Variants in FAR2 observed in about 807,000 individuals in gnomAD.
FAR2 encodes the protein epididymis secretory protein Li 81.
In FAR2, 19 loss-of-function variants were observed where a neutral mutation model predicts 56.0. That is an observed-to-expected ratio of 0.34 (90% CI 0.24 to 0.50). The LOEUF (loss-of-function observed/expected upper bound fraction) is 0.50, where lower values mean the gene tolerates loss of function less well. Ranked by LOEUF, FAR2 falls within the 20% of genes least tolerant of loss-of-function variation. The pLI is 0.98. For synonymous variants in FAR2, 219 were observed against 218.8 expected, an observed-to-expected ratio of 1.00 and a Z score of -0.01; for missense variants, 508 against 642.2, an observed-to-expected ratio of 0.79 and a Z score of 2.26.
chr12:29,149,828 A>C (rs80315626), intron 1 of FAR2, among the ~76,000 whole-genome samples: 1 of 151,982 alleles, frequency 6.6e-6, no homozygotes, highest in South Asian at 2.1e-4. Flanking sequence ...TCCTGGAGAG[A>C]GCGCGAAAAT....
chr12:29,274,023 C>A (rs1287274452), intron 2 of FAR2, among the ~76,000 whole-genome samples: 1 of 151,952 alleles, frequency 6.6e-6, no homozygotes, highest in Non-Finnish European at 1.5e-5. Flanking sequence ...GCGAAGGATT[C>A]ACACGGTTAT....
chr12:29,307,425 C>T (rs1479912998), intron 4 of FAR2, among the ~76,000 whole-genome samples: 3 of 151,908 alleles, frequency 2.0e-5, no homozygotes, highest in Non-Finnish European at 4.4e-5. Flanking sequence ...ACCTACCTAC[C>T]TACCTATCTG....
chr12:29,152,398 G>T (rs1158191152), intron 1 of FAR2, among the ~76,000 whole-genome samples: 1 of 152,156 alleles, frequency 6.6e-6, no homozygotes, highest in African/African-American at 2.4e-5. Context: ...TCTTAAAGAG[G>T]AACTGAGAAA....
intron 1 of FAR2, among the ~76,000 whole-genome samples, chr12:29,233,920 C>A (rs1812680421): frequency 6.6e-6 from 1 of 152,170 alleles, no homozygotes; most frequent in Non-Finnish European, 1.5e-5. Flanking sequence ...TGAAGCTCCT[C>A]CTTCAATGAC....
chr12:29,168,931 A>G (rs1949858539), intron 1 of FAR2, among the ~76,000 whole-genome samples: 1 of 152,086 alleles, frequency 6.6e-6, no homozygotes, highest in African/African-American at 2.4e-5. Flanking sequence ...TGATTGGTCC[A>G]TTTTACAGAG....
intron 1 of FAR2, among the ~76,000 whole-genome samples, chr12:29,196,475 T>C (rs1288841737): frequency 6.6e-6 from 1 of 152,106 alleles, no homozygotes; most frequent in Non-Finnish European, 1.5e-5. Context: ...TTGTTGGCCA[T>C]GTGTATGTCT....
intron 1 of FAR2, among the ~76,000 whole-genome samples, chr12:29,200,896 G>A (rs961181588): frequency 3.9e-5 from 6 of 152,092 alleles, no homozygotes; most frequent in African/African-American, 1.4e-4. Context: ...AGGGCCAGTC[G>A]CAACTGTTTA....
chr12:29,181,512 G>A (rs577045507), intron 1 of FAR2, among the ~76,000 whole-genome samples: 13 of 152,144 alleles, frequency 8.5e-5, no homozygotes, highest in Non-Finnish European at 1.9e-4. Flanking sequence ...GAAACTTTCA[G>A]TGCCTCTCCT....
intron 1 of FAR2, among the ~76,000 whole-genome samples, chr12:29,190,904 T>C (rs1950098069): frequency 2.0e-5 from 3 of 152,226 alleles, no homozygotes; most frequent in Non-Finnish European, 4.4e-5. Context: ...CTGGAGATGA[T>C]TCAACATTTA....
At chr12:29,283,590 A>G (rs1944281637) in intron 2 of FAR2, among the ~76,000 whole-genome samples, 1 of 145,042 alleles carries the variant, frequency 6.9e-6, no homozygotes, top group Admixed American at 6.6e-5. Flanking sequence ...GTTTATCAAA[A>G]TTAAATAGTT....
At chr12:29,212,891 A>T (rs982364646) in intron 1 of FAR2, among the ~76,000 whole-genome samples, 11 of 152,002 alleles carry the variant, frequency 7.2e-5, no homozygotes, top group Admixed American at 6.5e-4. Flanking sequence ...ATCAAACAAG[A>T]TAACGTGTAA....
chr12:29,168,585 G>A (rs1024223967), intron 1 of FAR2, among the ~76,000 whole-genome samples: 5 of 152,174 alleles, frequency 3.3e-5, no homozygotes, highest in Non-Finnish European at 5.9e-5. Context: ...ATGAAGCCGC[G>A]GACCTTCGCG....
chr12:29,313,409 C>G (rs1949385959), intron 8 of FAR2, among the ~76,000 whole-genome samples: 1 of 152,176 alleles, frequency 6.6e-6, no homozygotes. Context: ...CCAAGTTGGT[C>G]ATAGCATATT....
intron 1 of FAR2, among the ~76,000 whole-genome samples, chr12:29,264,926 A>G (rs1948488081): frequency 1.3e-5 from 2 of 152,168 alleles, no homozygotes; most frequent in Non-Finnish European, 2.9e-5. Context: ...TCCCATTTAC[A>G]GTAGCTACAA....
chr12:29,219,724 A>G (rs956913265), intron 1 of FAR2, among the ~76,000 whole-genome samples: 4 of 152,244 alleles, frequency 2.6e-5, no homozygotes, highest in African/African-American at 9.6e-5. Context: ...CATTCTGCCA[A>G]TGCCCATATC....
At chr12:29,149,520 G>C (rs1201641831) in intron 1 of FAR2, 113 bp downstream of exon 1, 1 of 152,406 alleles carries the variant, frequency 6.6e-6, no homozygotes, top group African/African-American at 2.4e-5. Flanking sequence ...AGGGCGGGGC[G>C]GTTCCCGGCG....
At chr12:29,172,146 T>A (rs1949893540) in intron 1 of FAR2, 1 of 143,394 alleles carries the variant, frequency 7.0e-6, no homozygotes, top group Admixed American at 6.9e-5. Flanking sequence ...ATGTGAGGAA[T>A]GCCCTCTGCC....
At chr12:29,289,804 T>G (rs1948935315) in intron 2 of FAR2, among the ~76,000 whole-genome samples, 1 of 152,122 alleles carries the variant, frequency 6.6e-6, no homozygotes, top group South Asian at 2.1e-4. Flanking sequence ...GATAAAGGAT[T>G]AATAACCAGA....
In FAR2 at chr12:29,321,876, G is replaced by C. The variant is rs376705618; in HGVS notation, c.1209G>C (p.Thr403=). ...TCAACCGGAGTTGGGAATGGAGCAC[G>C]TACAATACAGAAATGCTGATGTCTG... ...YFINRSWEWS[T]YNTEMLMSEL... Residue 403 remains threonine (T), a synonymous_variant, in exon 10 of 12, where the codon ACG becomes ACC. Transcript: ENST00000536681. 6.2e-7 allele frequency: 1 copy of C among 1,613,732 alleles called. No homozygotes were observed. Among genetic ancestry groups the C allele is most frequent in the South Asian group, 1.1e-5 (1 of 91,076 alleles).
Sources: allele counts gnomAD v4.1 joint callset (sites outside exome capture counted in the v4.1 genomes callset), GRCh38; gene constraint gnomAD v4.1.1; transcripts MANE v1.5; gene names NCBI Gene and HGNC (gene_info 2026-07-23, HGNC 2026-07-21).